WIPF2: variants seen among roughly 807,000 people sequenced by gnomAD.
The protein encoded by WIPF2 is WAS/WASL-interacting protein family member 2.
Under a neutral mutation model 38.8 loss-of-function variants are expected in WIPF2, and 23 were observed. The ratio of observed to expected loss-of-function variants is 0.59; its 90% CI spans 0.43 to 0.84. The LOEUF (loss-of-function observed/expected upper bound fraction) is 0.84, where lower values mean the gene tolerates loss of function less well. WIPF2 is among the 40% of genes least tolerant of loss of function. WIPF2 has a pLI of 0.00. For missense variants in WIPF2, 574 were observed against 580.5 expected, an observed-to-expected ratio of 0.99 and a Z score of 0.11; for synonymous variants, 210 against 223.2, an observed-to-expected ratio of 0.94 and a Z score of 0.53.
chr17:40,225,440 G>A (rs1275333688), intron 1 of WIPF2, among the ~76,000 whole-genome samples: 1 of 152,008 alleles, frequency 6.6e-6, no homozygotes, highest in Non-Finnish European at 1.5e-5. Context: ...TTAAGATTTT[G>A]GCTCATTTTG....
rs1785419886 is a variant in WIPF2 at position 40,283,794 on chromosome 17, G to C, written c.*5569G>C. 1 of 152,182 alleles carries C rather than the reference G, an allele frequency of 6.6e-6. No individual in the cohort carries two copies. Among genetic ancestry groups the C allele is most frequent in the South Asian group, 2.1e-4 (1 of 4,830 alleles). 9.4% of individuals were successfully genotyped at this position (152,182 alleles called of 1,614,324 possible). Reference sequence around the variant, plus strand: ...TGCTTTTTAAGCTGAATCTTAGCTGGTTTTCTTGAACTTTGACTTTAGGTG... The same window carrying C: ...TGCTTTTTAAGCTGAATCTTAGCTGCTTTTCTTGAACTTTGACTTTAGGTG... On this transcript the variant is annotated 3_prime_UTR_variant, in exon 8 of 8. Transcript: ENST00000323571.
chr17:40,263,366 CAGT>C (rs2031973604), intron 4 of WIPF2, among the ~76,000 whole-genome samples: 1 of 152,082 alleles, frequency 6.6e-6, no homozygotes, highest in African/African-American at 2.4e-5. Context: ...GCTGGTCTGA[CAGT>C]AGGCGTTGCT....
chr17:40,243,140 G>A (rs949809793), intron 1 of WIPF2, among the ~76,000 whole-genome samples: 2 of 152,118 alleles, frequency 1.3e-5, no homozygotes, highest in Admixed American at 1.3e-4. Context: ...ATAACCCATA[G>A]TATCTAATAT....
At position 40,279,940 on chromosome 17, in the gene WIPF2, G is replaced by A. The variant is rs552471285; in HGVS notation, c.*1715G>A. ...TCCAGTTGATTGGATCACAGGCTAG[G>A]GATCTGTGCATGGTGCCAGGTGAAA... On this transcript the variant is annotated 3_prime_UTR_variant, in exon 8 of 8. Coordinates refer to ENST00000323571, the MANE Select transcript of WIPF2 (RefSeq NM_133264.5). The A allele has an allele frequency of 5.5e-4, 84 of 152,232 alleles. 1 individual carries two copies. Among genetic ancestry groups the A allele is most frequent in the African/African-American group, 2.0e-3 (81 of 41,486 alleles). The allele number at this position is 152,232 out of a possible 1,614,324, so 9.4% of individuals were successfully genotyped here.
chr17:40,235,888 CT>C (rs2030949282), intron 1 of WIPF2, among the ~76,000 whole-genome samples: 2 of 148,178 alleles, frequency 1.3e-5, no homozygotes, highest in East Asian at 2.1e-4. Flanking sequence ...GAGAGTGGGA[CT>C]TTTTTGAGGC....
chr17:40,240,588 ATCTC>A (rs372524973), intron 1 of WIPF2, among the ~76,000 whole-genome samples: 1 of 150,424 alleles, frequency 6.6e-6, no homozygotes, highest in Non-Finnish European at 1.5e-5. Flanking sequence ...CTTTGTTGAC[ATCTC>A]TCTCTCTGCT....
intron 1 of WIPF2, among the ~76,000 whole-genome samples, chr17:40,235,164 G>A (rs773366451): frequency 4.6e-5 from 7 of 152,082 alleles, no homozygotes; most frequent in African/African-American, 1.7e-4. Context: ...CAAAGTGCTG[G>A]GATTACAGGC....
intron 1 of WIPF2, 165 bp downstream of exon 1, chr17:40,219,657 G>C (rs2030085087): frequency 6.7e-6 from 1 of 150,352 alleles, no homozygotes. Context: ...GGGGCCTGAG[G>C]GGCGGGGGGC....
intron 3 of WIPF2, among the ~76,000 whole-genome samples, chr17:40,262,062 T>G (rs1384733971): frequency 1.4e-5 from 2 of 138,432 alleles, no homozygotes; most frequent in Non-Finnish European, 3.0e-5. Flanking sequence ...TTTCCTTTCT[T>G]TTCTTTTCTT....
chr17:40,267,815 T>C (rs2032138550), intron 5 of WIPF2, among the ~76,000 whole-genome samples: 1 of 152,122 alleles, frequency 6.6e-6, no homozygotes, highest in African/African-American at 2.4e-5. Flanking sequence ...TATTTTAAAG[T>C]CAGTTTCTAC....
At chr17:40,223,335 T>G (rs1364648747) in intron 1 of WIPF2, among the ~76,000 whole-genome samples, 1 of 151,790 alleles carries the variant, frequency 6.6e-6, no homozygotes, top group Non-Finnish European at 1.5e-5. Flanking sequence ...GACAGGGTTT[T>G]GCCATGTTGG....
chr17:40,220,329 TA>T (rs2030123242), intron 1 of WIPF2: 1 of 151,522 alleles, frequency 6.6e-6, no homozygotes, highest in Non-Finnish European at 1.5e-5. Context: ...TCGAGTTTTT[TA>T]TCAGGAAGGA....
intron 5 of WIPF2, 74 bp from the exon 6 acceptor site, chr17:40,273,716 C>A: frequency 1.1e-6 from 1 of 933,544 alleles, no homozygotes; most frequent in Non-Finnish European, 1.8e-6. Flanking sequence ...ACTCTTTTAG[C>A]TCATGTGTTT....
chr17:40,259,871 A>G (rs968770041), intron 2 of WIPF2, among the ~76,000 whole-genome samples: 1 of 152,216 alleles, frequency 6.6e-6, no homozygotes, highest in Non-Finnish European at 1.5e-5. Context: ...TGCCTAAGTC[A>G]TAGTAGGGAC....
chr17:40,271,744 C>T (rs1286481142), intron 5 of WIPF2, among the ~76,000 whole-genome samples: 1 of 152,130 alleles, frequency 6.6e-6, no homozygotes, highest in Non-Finnish European at 1.5e-5. Flanking sequence ...ACATACTTCG[C>T]ATGTGTGGCT....
chr17:40,283,252 ATTATTT>A lies in WIPF2; in HGVS notation c.*5030_*5035del, dbSNP rs1371583664. On this transcript the variant is annotated 3_prime_UTR_variant, in exon 8 of 8. Coordinates refer to ENST00000323571, the MANE Select transcript of WIPF2 (RefSeq NM_133264.5). ...TGATGGTCCTTATTTTATTATTATT[ATTATTT>A]TTTTTTGAGACAGGATGTTGCTGTC... 7.3e-5 allele frequency: 9 copies of A among 123,736 alleles called. No individual in the cohort carries two copies. Among genetic ancestry groups the A allele is most frequent in the African/African-American group, 2.8e-4 (9 of 32,270 alleles). 7.7% of individuals were successfully genotyped at this position (123,736 alleles called of 1,614,324 possible).
chr17:40,264,741 C>T lies in WIPF2; in HGVS notation c.565C>T (p.Pro189Ser), dbSNP rs2032025678. 1 of 1,605,316 alleles carries T rather than the reference C, an allele frequency of 6.2e-7. No individual in the cohort carries two copies. Among genetic ancestry groups the T allele is most frequent in the Non-Finnish European group, 8.5e-7 (1 of 1,175,920 alleles). Residue 189 changes from proline to serine, a missense_variant, in exon 5 of 8, where the codon CCC becomes TCC. Physicochemically the swap from Pro to Ser is moderately conservative, Grantham distance 74. Transcript: ENST00000323571. ...ACCCCCAGGGCGGCGTGCCAACGCACCCCCCACACCTCTGCCTATGCACAG... is the reference window on the plus strand; with the variant it reads ...ACCCCCAGGGCGGCGTGCCAACGCATCCCCCACACCTCTGCCTATGCACAG... ...PPPPGRRANA[P>S]PTPLPMHSSK...
chr17:40,269,235 G>A (rs893673357), intron 5 of WIPF2, among the ~76,000 whole-genome samples: 6 of 152,070 alleles, frequency 3.9e-5, no homozygotes, highest in African/African-American at 1.4e-4. Context: ...CGGGAGAATC[G>A]CTTGAACCCG....
At chr17:40,234,849 C>G (rs985403021) in intron 1 of WIPF2, among the ~76,000 whole-genome samples, 1 of 152,136 alleles carries the variant, frequency 6.6e-6, no homozygotes, top group Non-Finnish European at 1.5e-5. Flanking sequence ...CGAGGCCACG[C>G]ACGCTCTCGT....
Sources: gnomAD v4.1 joint callset for allele counts (sites outside exome capture counted in the v4.1 genomes callset) on GRCh38, gnomAD v4.1.1 for gene constraint, MANE v1.5 for transcripts, NCBI Gene and HGNC (gene_info 2026-07-23, HGNC 2026-07-21) for gene names.